Variants in PARP11 observed in about 807,000 individuals in gnomAD.
PARP11 encodes poly(ADP-ribose) polymerase family member 11.
PARP11 carries 31 observed loss-of-function variants against 42.9 expected under a neutral mutation model. The ratio of observed to expected loss-of-function variants is 0.72; its 90% CI spans 0.54 to 0.98. The LOEUF is 0.98. Ranked by LOEUF, PARP11 falls within the 50% of genes least tolerant of loss-of-function variation. The pLI is 0.00. For missense variants in PARP11, 365 were observed against 413.1 expected (o/e 0.88, Z 1.01); for synonymous variants, 137 against 127.3 (o/e 1.08, Z -0.51).
intron 3 of PARP11, 124 bp from the exon 4 acceptor site, chr12:3,826,357 G>A (rs1947526188): frequency 1.6e-6 from 1 of 632,840 alleles, no homozygotes; most frequent in East Asian, 2.9e-5. Flanking sequence ...TAGCTGGCAA[G>A]CATAGTGTAT....
chr12:3,863,237 CAT>C (rs1948330980), intron 1 of PARP11, among the ~76,000 whole-genome samples: 1 of 152,152 alleles, frequency 6.6e-6, no homozygotes, highest in East Asian at 1.9e-4. Flanking sequence ...TTATGAAACT[CAT>C]TTATTAGTTC....
rs139406418 is a variant in PARP11 at position 3,870,723 on chromosome 12, T to C, written c.18+2489A>G. Among the ~76,000 whole-genome samples the C allele has an allele frequency of 6.3e-3, 966 of 152,348 alleles. 7 individuals are homozygous for C. Among genetic ancestry groups the C allele is most frequent in the African/African-American group, 0.021 (884 of 41,580 alleles). On this transcript the variant is annotated intron_variant, in intron 1 of 7. Transcript: ENST00000228820. ...TAACAGAGAAAAACCCCTGTCCTTG[T>C]GGATCTTACAATATAGTGAAAGATT...
intron 7 of PARP11, among the ~76,000 whole-genome samples, chr12:3,812,967 T>C (rs1420319313): frequency 2.6e-5 from 4 of 152,030 alleles, no homozygotes. Flanking sequence ...CACACCCAAC[T>C]AATTTTTATA....
intron 1 of PARP11, among the ~76,000 whole-genome samples, chr12:3,833,908 C>A (rs1750256960): frequency 1.3e-5 from 2 of 152,200 alleles, no homozygotes; most frequent in Non-Finnish European, 2.9e-5. Context: ...GAAGGGCAGG[C>A]TGCTGGTGTT....
rs552034562 is a variant in PARP11 at position 3,862,813 on chromosome 12, T to C, written c.18+10399A>G. On this transcript the variant is annotated intron_variant, in intron 1 of 7. Coordinates refer to ENST00000228820, the MANE Select transcript of PARP11 (RefSeq NM_020367.6). ...CCCTAACTTGATGCCAATACTACAC[T>C]GTTTTGATTATTGTTGCTTCACATT... 2.4e-4 allele frequency among the ~76,000 whole-genome samples: 36 copies of C among 152,150 alleles called. 1 individual carries two copies. Among genetic ancestry groups the C allele is most frequent in the Non-Finnish European group, 4.6e-4 (31 of 68,026 alleles).
chr12:3,865,851 T>C (rs1198989018), intron 1 of PARP11, among the ~76,000 whole-genome samples: 1 of 152,036 alleles, frequency 6.6e-6, no homozygotes. Context: ...AGTATGATTA[T>C]TGATATGGTT....
chr12:3,826,700 A>T (rs1282675973), intron 3 of PARP11, among the ~76,000 whole-genome samples: 1 of 152,232 alleles, frequency 6.6e-6, no homozygotes, highest in Non-Finnish European at 1.5e-5. Context: ...AATTTCAAAA[A>T]TTTCTACATT....
chr12:3,826,020 C>T (rs1947513754), intron 4 of PARP11, 138 bp downstream of exon 4: 2 of 539,540 alleles, frequency 3.7e-6, no homozygotes, highest in Non-Finnish European at 3.2e-6. Context: ...TGAGCCACTG[C>T]GCCTGGCCCA....
intron 1 of PARP11, among the ~76,000 whole-genome samples, chr12:3,871,503 G>A (rs1389489647): frequency 6.6e-6 from 1 of 152,170 alleles, no homozygotes; most frequent in African/African-American, 2.4e-5. Flanking sequence ...TATAGCCTTA[G>A]GTGTGTAGCA....
At chr12:3,870,867 G>A (rs1406535640) in intron 1 of PARP11, among the ~76,000 whole-genome samples, 1 of 152,150 alleles carries the variant, frequency 6.6e-6, no homozygotes, top group Non-Finnish European at 1.5e-5. Context: ...CAAAATGAAG[G>A]TTGTTGATGA....
chr12:3,815,118 G>A (rs908390503), intron 6 of PARP11: 9 of 450,998 alleles, frequency 2.0e-5, no homozygotes, highest in Admixed American at 9.8e-5. Flanking sequence ...AGATACATGG[G>A]AGTCTGCAAA....
At chr12:3,859,391 T>C (rs7138053) in intron 1 of PARP11, among the ~76,000 whole-genome samples, 80,144 of 151,508 alleles carry the variant, frequency 0.53, 24,073 homozygotes, top group African/African-American at 0.8. Context: ...GGTGAAACCC[T>C]GTCTCTACTA....
chr12:3,828,147 T>C (rs1437362900), intron 3 of PARP11, among the ~76,000 whole-genome samples: 1 of 152,186 alleles, frequency 6.6e-6, no homozygotes, highest in African/African-American at 2.4e-5. Flanking sequence ...AAAGAAATTG[T>C]TTTCTGACAA....
intron 1 of PARP11, among the ~76,000 whole-genome samples, chr12:3,868,899 C>T (rs973885637): frequency 1.3e-5 from 2 of 152,234 alleles, no homozygotes; most frequent in African/African-American, 4.8e-5. Flanking sequence ...TATTTTCTTA[C>T]ATTTCTGAAG....
At chr12:3,856,895 T>C (rs1022524257) in intron 1 of PARP11, among the ~76,000 whole-genome samples, 4 of 152,122 alleles carry the variant, frequency 2.6e-5, no homozygotes, top group African/African-American at 7.2e-5. Context: ...CCATCAATGA[T>C]AGACTGGATT....
intron 6 of PARP11, chr12:3,814,901 AAGAGAT>A (rs2138008844): frequency 3.6e-6 from 1 of 276,398 alleles, no homozygotes; most frequent in East Asian, 8.4e-5. Context: ...ATTTTGCAAA[AAGAGAT>A]AGAGAACTCA....
At chr12:3,857,271 T>C (rs1377988059) in intron 1 of PARP11, among the ~76,000 whole-genome samples, 1 of 151,776 alleles carries the variant, frequency 6.6e-6, no homozygotes, top group Non-Finnish European at 1.5e-5. Context: ...GAACTTAAAG[T>C]ATAATAATAA....
rs1591781345 is a variant in PARP11, at chr12:3,840,723, ACT to A, written c.19-10707_19-10706del. On this transcript the variant is annotated intron_variant, in intron 1 of 7. Transcript: ENST00000228820. This position sits in a 1 kb window ranked among gnomAD's most constrained non-coding sequence, Gnocchi z 4.4. Reference sequence around the variant, plus strand: ...GATACAGAAGAACGAAAAGACAAAGACTCTATTCATGGACATAGTTGGATAAA... The same window carrying A: ...GATACAGAAGAACGAAAAGACAAAGACTATTCATGGACATAGTTGGATAAA... 1.6e-6 allele frequency: 2 copies of A among 1,279,248 alleles called. No individual in the cohort carries two copies. Among genetic ancestry groups the A allele is most frequent in the South Asian group, 1.2e-5 (1 of 84,172 alleles). The allele number at this position is 1,279,248 out of a possible 1,614,324, so 79.2% of individuals were successfully genotyped here. A position where few individuals can be genotyped will look rare whatever the true frequency, so the allele number is the denominator to read the frequency against.
chr12:3,812,516 G>T, intron 7 of PARP11, 77 bp from the exon 8 acceptor site: 2 of 944,060 alleles, frequency 2.1e-6, no homozygotes, highest in South Asian at 1.6e-5. Context: ...ATTTTGTCAG[G>T]AGAATAGATG....
Sources: gnomAD v4.1 joint callset for allele counts (sites outside exome capture counted in the v4.1 genomes callset) on GRCh38, gnomAD v4.1.1 for gene constraint, Gnocchi (gnomAD v3.1) non-coding constraint, MANE v1.5 for transcripts, NCBI Gene and HGNC (gene_info 2026-07-23, HGNC 2026-07-21) for gene names.